The following CHD5 variants were observed in gnomAD, a reference collection of about 807,000 sequenced individuals.
CHD5 encodes the protein ATP-dependent chromatin remodeler CHD5.
Under a neutral mutation model 230.3 loss-of-function variants are expected in CHD5, and 69 were observed. The ratio of observed to expected loss-of-function variants is 0.30; its 90% confidence interval spans 0.25 to 0.37. The LOEUF is 0.37. CHD5 is among the 10% of genes least tolerant of loss of function. The probability of loss-of-function intolerance (pLI) is 1.00; values close to 1 mark genes in which losing one functional copy is unlikely to be tolerated. For synonymous variants in CHD5, 1,064 were observed against 1,065.9 expected (o/e 1.00, Z 0.03); for missense variants, 1,827 against 2,622.8 (o/e 0.70, Z 6.63).
chr1:6,110,138 T>C, intron 37 of CHD5, 148 bp from the exon 38 acceptor site: 1 of 918,484 alleles, frequency 1.1e-6, no homozygotes, highest in Non-Finnish European at 1.6e-6. Context: ...GGCCTGGTGG[T>C]GGCCAACCCT....
chr1:6,135,277 C>T lies in CHD5; in HGVS notation c.2823G>A (p.Pro941=), dbSNP rs768451489. The T allele has an allele frequency of 1.2e-5, 20 of 1,614,028 alleles. No individual in the cohort carries two copies. The highest frequency in any genetic ancestry group is 2.2e-5 in the East Asian group (1 of 44,886). Residue 941 remains proline (P), a synonymous_variant, in exon 18 of 42, where the codon CCG becomes CCA. Coordinates refer to ENST00000262450, the MANE Select transcript of CHD5 (RefSeq NM_015557.3). The part of the protein sequence containing the change: ...RLKADVFKNM[P]AKTELIVRVE... Reference sequence around the variant, plus strand: ...CCCGGACAATGAGCTCGGTCTTGGCCGGCATGTTCTTGAACACGTCAGCCT... The same window carrying T: ...CCCGGACAATGAGCTCGGTCTTGGCTGGCATGTTCTTGAACACGTCAGCCT...
At chr1:6,123,895 C>A in intron 31 of CHD5, 53 bp downstream of exon 31, 1 of 1,340,440 alleles carries the variant, frequency 7.5e-7, no homozygotes, top group South Asian at 1.7e-5. Context: ...TTTCTGTGAC[C>A]TTGCCACTTT....
intron 1 of CHD5, among the ~76,000 whole-genome samples, chr1:6,170,742 C>A (rs991093282): frequency 1.3e-5 from 2 of 152,230 alleles, no homozygotes; most frequent in African/African-American, 4.8e-5. Context: ...CACCCCATTC[C>A]TCTGATCACT....
chr1:6,165,013 A>T (rs551781308), intron 2 of CHD5, among the ~76,000 whole-genome samples: 2 of 152,266 alleles, frequency 1.3e-5, no homozygotes, highest in Admixed American at 1.3e-4. Context: ...CCAGAGAGAG[A>T]CAGACAGACA....
chr1:6,146,983 C>A lies in CHD5; in HGVS notation c.1384-112G>T, dbSNP rs1032264525. 3 of 789,288 alleles carry A rather than the reference C, an allele frequency of 3.8e-6. No individual in the cohort carries two copies. Among genetic ancestry groups the A allele is most frequent in the Non-Finnish European group, 5.9e-6 (3 of 509,858 alleles). The allele number at this position is 789,288 out of a possible 1,614,324, so 48.9% of individuals were successfully genotyped here. ...TCCCTCCCATCAGTGCCACTGCCCC[C>A]AAGTCAGAACAGTACCACGGTGACG... On this transcript the variant is annotated intron_variant, in intron 9 of 41. Coordinates refer to ENST00000262450, the MANE Select transcript of CHD5 (RefSeq NM_015557.3). The surrounding 1 kb of genome is among the most constrained non-coding windows in gnomAD (Gnocchi z 5.1).
rs1409204206 is a variant in CHD5, at chr1:6,126,110, G to A, written c.4079-252C>T. Among the ~76,000 whole-genome samples, 1 of 152,158 alleles carries A rather than the reference G, an allele frequency of 6.6e-6. No individual in the cohort carries two copies. Among genetic ancestry groups the A allele is most frequent in the Non-Finnish European group, 1.5e-5 (1 of 68,020 alleles). Reference sequence around the variant, plus strand: ...GGACGTGCCCAAGGCCACGTCACGAGCAGTGGTGAAGTCACTGAACTGAGC... The same window carrying A: ...GGACGTGCCCAAGGCCACGTCACGAACAGTGGTGAAGTCACTGAACTGAGC... On this transcript the variant is annotated intron_variant, in intron 26 of 41. Transcript: ENST00000262450. The surrounding 1 kb of genome is among the most constrained non-coding windows in gnomAD (Gnocchi z 5.7).
At chr1:6,149,886 T>C (rs1469908113) in intron 7 of CHD5, among the ~76,000 whole-genome samples, 1 of 148,050 alleles carries the variant, frequency 6.8e-6, no homozygotes, top group Non-Finnish European at 1.5e-5. Flanking sequence ...GACAAGTGGA[T>C]GGATAGATGG....
intron 2 of CHD5, among the ~76,000 whole-genome samples, chr1:6,162,013 G>A (rs543211599): frequency 1.5e-3 from 235 of 152,316 alleles, no homozygotes; most frequent in African/African-American, 5.3e-3. Flanking sequence ...CCAAGTCACT[G>A]TAGCGAGCTA....
intron 36 of CHD5, 52 bp from the exon 37 acceptor site, chr1:6,110,578 G>C: frequency 6.8e-7 from 1 of 1,462,646 alleles, no homozygotes; most frequent in Non-Finnish European, 9.3e-7. Flanking sequence ...TGGTGGGGCC[G>C]TAGGGGGAGG....
chr1:6,147,719 C>T (rs1666933358), intron 9 of CHD5, among the ~76,000 whole-genome samples: 1 of 152,202 alleles, frequency 6.6e-6, no homozygotes, highest in Admixed American at 6.5e-5. Flanking sequence ...TGTAAAATGG[C>T]CCACCCCTTC....
At chr1:6,168,794 A>G (rs1377992655) in intron 1 of CHD5, among the ~76,000 whole-genome samples, 3 of 152,116 alleles carry the variant, frequency 2.0e-5, no homozygotes, top group Non-Finnish European at 2.9e-5. Context: ...TGAGGCGAGC[A>G]GATAACCAGA....
rs978806719 is a variant in CHD5 at position 6,155,882 on chromosome 1, T to TGCAGCCCC, written c.388-173_388-166dup. On this transcript the variant is annotated intron_variant, in intron 3 of 41. Transcript: ENST00000262450. The surrounding 1 kb of genome is among the most constrained non-coding windows in gnomAD (Gnocchi z 4.0). ...CCCACCCTAGGAAACATTCAAGCCCTGCAGCCCCGCAGCCCCGCAGCCCCC... is the reference window on the plus strand; with the variant it reads ...CCCACCCTAGGAAACATTCAAGCCCTGCAGCCCCGCAGCCCCGCAGCCCCGCAGCCCCC... Among the ~76,000 whole-genome samples the TGCAGCCCC allele has an allele frequency of 3.9e-5, 6 of 152,186 alleles. No individual in the cohort carries two copies. Among genetic ancestry groups the TGCAGCCCC allele is most frequent in the Non-Finnish European group, 8.8e-5 (6 of 68,024 alleles).
At position 6,152,399 on chromosome 1, in the gene CHD5, C is replaced by G; in HGVS notation, c.870+13G>C. 1.2e-6 allele frequency: 2 copies of G among 1,611,006 alleles called. No individual in the cohort carries two copies. Among genetic ancestry groups the G allele is most frequent in the Non-Finnish European group, 1.7e-6 (2 of 1,178,488 alleles). Reference sequence around the variant, plus strand: ...GCAAATGCACACACACGCGCACACACGCACACACTCACCGAGGAGCCTTTC... The same window carrying G: ...GCAAATGCACACACACGCGCACACAGGCACACACTCACCGAGGAGCCTTTC... On this transcript the variant is annotated intron_variant, in intron 6 of 41. Transcript: ENST00000262450.
intron 38 of CHD5, among the ~76,000 whole-genome samples, chr1:6,109,244 C>A (rs564399070): frequency 2.0e-4 from 30 of 152,212 alleles, no homozygotes; most frequent in African/African-American, 7.0e-4. Context: ...CAGAGTACAC[C>A]AGGGAGGGCT....
At chr1:6,114,908 G>C (rs530561296) in intron 33 of CHD5, among the ~76,000 whole-genome samples, 6 of 152,162 alleles carry the variant, frequency 3.9e-5, no homozygotes, top group African/African-American at 1.4e-4. Context: ...CAGCTACTCA[G>C]GAGGCTGAGG....
Position 6,128,038 on chromosome 1 carries a change from G to C in CHD5, c.3903+8C>G. ...GGCTGCGGATGGAGGGCGGGCCGGG[G>C]ACCTTACCACGCCGTCCTCCTCGCG... On this transcript the variant is annotated splice_region_variant and intron_variant, in intron 25 of 41. Coordinates refer to ENST00000262450, the MANE Select transcript of CHD5 (RefSeq NM_015557.3). This position sits in a 1 kb window ranked among gnomAD's most constrained non-coding sequence, Gnocchi z 7.8. The C allele has an allele frequency of 6.3e-7, 1 of 1,594,660 alleles. No individual in the cohort carries two copies. The highest frequency in any genetic ancestry group is 1.3e-5 in the African/African-American group (1 of 74,728).
At chr1:6,164,690 G>T (rs956395876) in intron 2 of CHD5, among the ~76,000 whole-genome samples, 2 of 152,210 alleles carry the variant, frequency 1.3e-5, no homozygotes, top group Non-Finnish European at 2.9e-5. Context: ...GCACCCGGCA[G>T]CTGGGCCACA....
chr1:6,157,273 C>T (rs1197599872), intron 3 of CHD5, among the ~76,000 whole-genome samples: 1 of 152,250 alleles, frequency 6.6e-6, no homozygotes, highest in African/African-American at 2.4e-5. Context: ...TGCCTGCATA[C>T]CTGGACATGG....
intron 20 of CHD5, among the ~76,000 whole-genome samples, chr1:6,132,894 C>G (rs1345848963): frequency 2.0e-5 from 3 of 151,848 alleles, no homozygotes; most frequent in Non-Finnish European, 4.4e-5. Flanking sequence ...CTCTCTCTCT[C>G]TCTCTCTCTC....
Sources: allele counts gnomAD v4.1 joint callset (sites outside exome capture counted in the v4.1 genomes callset), GRCh38; gene constraint gnomAD v4.1.1; non-coding constraint Gnocchi (gnomAD v3.1); transcripts MANE v1.5; gene names NCBI Gene and HGNC (gene_info 2026-07-23, HGNC 2026-07-21).